The following SIX6 variants were observed in gnomAD, a reference collection of about 807,000 sequenced individuals.
The protein encoded by SIX6 is homeobox protein SIX6.
SIX6 carries 14 observed loss-of-function variants against 23.6 expected under a neutral mutation model. The observed-to-expected ratio is 0.59, with a 90% confidence interval of 0.39 to 0.93. The LOEUF is 0.93. Ranked by LOEUF, SIX6 falls within the 40% of genes least tolerant of loss-of-function variation. SIX6 has a pLI of 0.00. For synonymous variants in SIX6, 128 were observed against 144.9 expected (o/e 0.88, Z 0.84); for missense variants, 307 against 325.6 (o/e 0.94, Z 0.44).
chr14:60,509,608 C>CT lies in SIX6; in HGVS notation c.211dup (p.Tyr71LeufsTer23). 6.2e-7 allele frequency: 1 copy of CT among 1,613,632 alleles called. No homozygotes were observed. On this transcript the variant is annotated frameshift_variant, in exon 1 of 2. Coordinates refer to ENST00000327720, the MANE Select transcript of SIX6 (RefSeq NM_007374.3). LOFTEE classifies it high-confidence loss of function. ...TTCACGGTGGCAACTACCGCGAGCTCTATCATATCCTGGAAAACCACAAGT... is the reference window on the plus strand; with the variant it reads ...TTCACGGTGGCAACTACCGCGAGCTCTTATCATATCCTGGAAAACCACAAGT...
At position 60,511,400 on chromosome 14, in the gene SIX6, GC is replaced by G; in HGVS notation, c.*152del. On this transcript the variant is annotated 3_prime_UTR_variant, in exon 2 of 2. Transcript: ENST00000327720. Reference sequence around the variant, plus strand: ...CCGCGGGCTCGGGTTGCCGTTTCCCGCCCCACCCCGCGGCCGGCCTGGCTTC... The same window carrying G: ...CCGCGGGCTCGGGTTGCCGTTTCCCGCCCACCCCGCGGCCGGCCTGGCTTC... 2.1e-6 allele frequency: 2 copies of G among 956,516 alleles called. No individual in the cohort carries two copies. The highest frequency in any genetic ancestry group is 3.2e-6 in the Non-Finnish European group (2 of 616,616). 59.3% of individuals were successfully genotyped at this position (956,516 alleles called of 1,614,324 possible). A position where few individuals can be genotyped will look rare whatever the true frequency, so the allele number is the denominator to read the frequency against.
chr14:60,509,970 G>T lies in SIX6; in HGVS notation c.572G>T (p.Arg191Ile). The T allele has an allele frequency of 6.3e-7, 1 of 1,598,638 alleles. No homozygotes were observed. The highest frequency in any genetic ancestry group is 8.5e-7 in the Non-Finnish European group (1 of 1,171,808). The part of the protein sequence containing the change: ...QRDRAAAAKN[R>I]LQQQVLSQGS... Reference sequence around the variant, plus strand: ...GACCGAGCGGCTGCAGCCAAGAACAGGTCGGTACCTAGAGGCCTCCGCGCT... The same window carrying T: ...GACCGAGCGGCTGCAGCCAAGAACATGTCGGTACCTAGAGGCCTCCGCGCT... The change falls in exon 1 of 2, where the codon AGA becomes ATA. Residue 191 changes from arginine (R) to isoleucine (I), a missense_variant and splice_region_variant. Arg to Ile is a moderately conservative substitution (Grantham distance 97). Transcript: ENST00000327720.
chr14:60,511,289 G>A lies in SIX6; in HGVS notation c.*37G>A. On this transcript the variant is annotated 3_prime_UTR_variant, in exon 2 of 2. Transcript: ENST00000327720. ...AGGATGCTCAGAAGCAGATTCCAGT[G>A]TAAAAACGAGAAAAACAAAATGAAA... is the stretch of plus-strand genomic sequence containing the variant. The A allele has an allele frequency of 6.2e-7, 1 of 1,606,960 alleles. No homozygotes were observed. Among genetic ancestry groups the A allele is most frequent in the Non-Finnish European group, 8.5e-7 (1 of 1,174,234 alleles).
In SIX6 at chr14:60,509,412, C is replaced by G; in HGVS notation, c.14C>G (p.Pro5Arg). The change falls in exon 1 of 2, where the codon CCC becomes CGC. Residue 5 changes from proline (P) to arginine (R), a missense_variant. Transcript: ENST00000327720. MFQL[P>R]ILNFSPQQVA... ...GGCACTGCCTCGATGTTCCAGCTGCCCATCTTGAATTTCAGCCCCCAGCAA... is the reference window on the plus strand; with the variant it reads ...GGCACTGCCTCGATGTTCCAGCTGCGCATCTTGAATTTCAGCCCCCAGCAA... 1 of 1,599,502 alleles carries G rather than the reference C, an allele frequency of 6.3e-7. No homozygotes were observed. Among genetic ancestry groups the G allele is most frequent in the Non-Finnish European group, 8.5e-7 (1 of 1,179,922 alleles).
Position 60,511,148 on chromosome 14 carries a change from C to T in SIX6, c.637C>T (p.Pro213Ser), listed in dbSNP as rs201560655. ...RALRAEGDGTPEVLGVATSPA... is the reference protein window; with the variant it reads ...RALRAEGDGTSEVLGVATSPA... ...ACTACGGGCGGAGGGCGACGGCACG[C>T]CAGAGGTGCTGGGCGTCGCCACCAG... Residue 213 changes from proline (P) to serine (S), a missense_variant, in exon 2 of 2, where the codon CCA (proline) becomes TCA (serine). Pro to Ser is a moderately conservative substitution (Grantham distance 74, BLOSUM62 -1). Coordinates refer to ENST00000327720, the MANE Select transcript of SIX6 (RefSeq NM_007374.3). 3.2e-4 allele frequency: 520 copies of T among 1,612,918 alleles called. 6 individuals carry two copies. The East Asian group carries it at 0.01, about 32-fold the overall frequency.
chr14:60,510,976 T>G, intron 1 of SIX6, 108 bp from the exon 2 acceptor site: 1 of 1,192,924 alleles, frequency 8.4e-7, no homozygotes, highest in Non-Finnish European at 1.2e-6. Flanking sequence ...GCTGGGGTCT[T>G]CGGAAGAACC....
At position 60,511,192 on chromosome 14, in the gene SIX6, C is replaced by T; in HGVS notation, c.681C>T (p.Ser227=). 6.2e-7 allele frequency: 1 copy of T among 1,613,108 alleles called. No individual in the cohort carries two copies. Among genetic ancestry groups the T allele is most frequent in the Non-Finnish European group, 8.5e-7 (1 of 1,179,928 alleles). Residue 227 remains serine, a synonymous_variant, in exon 2 of 2, where the codon TCC becomes TCT. Coordinates refer to ENST00000327720, the MANE Select transcript of SIX6 (RefSeq NM_007374.3). ...GVATSPAASL[S]SKAATSAISI... is the part of the protein sequence containing the mutation. ...CCACCAGCCCGGCCGCCAGTCTATCCAGCAAGGCGGCCACTTCAGCCATCT... is the reference window on the plus strand; with the variant it reads ...CCACCAGCCCGGCCGCCAGTCTATCTAGCAAGGCGGCCACTTCAGCCATCT...
rs768860283 is a variant in SIX6, at chr14:60,509,356, C to G, written c.-43C>G. On this transcript the variant is annotated 5_prime_UTR_variant, in exon 1 of 2. Coordinates refer to ENST00000327720, the MANE Select transcript of SIX6 (RefSeq NM_007374.3). ...GGCCCGCGGGCATCTGCTGCGTGTCCCGCTCCGGGCTCAGTGCCCTCGCCG... is the reference window on the plus strand; with the variant it reads ...GGCCCGCGGGCATCTGCTGCGTGTCGCGCTCCGGGCTCAGTGCCCTCGCCG... 1 of 1,558,534 alleles carries G rather than the reference C, an allele frequency of 6.4e-7. No individual in the cohort carries two copies. Among genetic ancestry groups the G allele is most frequent in the South Asian group, 1.1e-5 (1 of 90,190 alleles).
rs945610915 is a variant in SIX6, at chr14:60,509,182, C to A, written c.-217C>A. The A allele has an allele frequency of 6.8e-6, 4 of 584,538 alleles. No homozygotes were observed. The African/African-American group carries it at 7.5e-5, about 11-fold the overall frequency. 36.2% of individuals were successfully genotyped at this position (584,538 alleles called of 1,614,324 possible). A position where few individuals can be genotyped will look rare whatever the true frequency, so the allele number is the denominator to read the frequency against. On this transcript the variant is annotated 5_prime_UTR_variant, in exon 1 of 2. Transcript: ENST00000327720. ...CAGCTCGCCTGCCGGCGTGCCTGAG[C>A]CGAGCCGAGCCCGAACCCCAAGCCG...
Position 60,511,544 on chromosome 14 carries a change from A to C in SIX6, c.*292A>C. 1 of 550,428 alleles carries C rather than the reference A, an allele frequency of 1.8e-6. No homozygotes were observed. Among genetic ancestry groups the C allele is most frequent in the South Asian group, 2.1e-5 (1 of 48,676 alleles). The allele number at this position is 550,428 out of a possible 1,614,324, so 34.1% of individuals were successfully genotyped here. A position where few individuals can be genotyped will look rare whatever the true frequency, so the allele number is the denominator to read the frequency against. ...CTGCAAAGTCTCCTTCGGAACCCGA[A>C]CTGCAAGCTGAGCGCCTGCCCAGAT... On this transcript the variant is annotated 3_prime_UTR_variant, in exon 2 of 2. Coordinates refer to ENST00000327720, the MANE Select transcript of SIX6 (RefSeq NM_007374.3).
Position 60,511,384 on chromosome 14 carries a change from C to T in SIX6, c.*132C>T, listed in dbSNP as rs1263988076. 2.6e-6 allele frequency: 3 copies of T among 1,152,072 alleles called. No individual in the cohort carries two copies. Among genetic ancestry groups the T allele is most frequent in the Non-Finnish European group, 3.8e-6 (3 of 788,512 alleles). The allele number at this position is 1,152,072 out of a possible 1,614,324, so 71.4% of individuals were successfully genotyped here. On this transcript the variant is annotated 3_prime_UTR_variant, in exon 2 of 2. Coordinates refer to ENST00000327720, the MANE Select transcript of SIX6 (RefSeq NM_007374.3). The stretch of plus-strand genomic sequence containing the variant: ...CCAGGTGACCAGGGACCCGCGGGCT[C>T]GGGTTGCCGTTTCCCGCCCCACCCC...
rs761312214 is a variant in SIX6 at position 60,509,833 on chromosome 14, G to A, written c.435G>A (p.Glu145=). The change falls in exon 1 of 2, where the codon GAG becomes GAA. Residue 145 remains glutamate, a synonymous_variant. Transcript: ENST00000327720. ...AGCGCACGCGGCACCTGCTACGCGAGTGGTACCTGCAGGATCCATACCCTA... is the reference window on the plus strand; with the variant it reads ...AGCGCACGCGGCACCTGCTACGCGAATGGTACCTGCAGGATCCATACCCTA... ...FKERTRHLLR[E]WYLQDPYPNP... is the part of the protein sequence containing the mutation. The A allele has an allele frequency of 5.0e-6, 8 of 1,613,872 alleles. No individual in the cohort carries two copies. The Admixed American group carries it at 1.3e-4, about 27-fold the overall frequency.
rs771466473 is a variant in SIX6 at position 60,511,252 on chromosome 14, A to T, written c.741A>T (p.Ter247CysextTer20). 16 of 1,613,278 alleles carry T rather than the reference A, an allele frequency of 9.9e-6. No homozygotes were observed. The highest frequency in any genetic ancestry group is 7.6e-6 in the Non-Finnish European group (9 of 1,179,912). Residue 247 changes from the stop codon to cysteine (C), a stop_lost, in exon 2 of 2, where the codon TGA (stop) becomes TGT (cysteine). Transcript: ENST00000327720. ...ITSSDSECDI[*>C] ...CCAGCGACAGCGAGTGCGACATCTGAGTTGCCCATCCAGGATGCTCAGAAG... is the reference window on the plus strand; with the variant it reads ...CCAGCGACAGCGAGTGCGACATCTGTGTTGCCCATCCAGGATGCTCAGAAG...
At position 60,509,166 on chromosome 14, in the gene SIX6, T is replaced by C. The variant is rs1893249342; in HGVS notation, c.-233T>C. On this transcript the variant is annotated 5_prime_UTR_variant, in exon 1 of 2. Coordinates refer to ENST00000327720, the MANE Select transcript of SIX6 (RefSeq NM_007374.3). ...ACCCCAATAGCGGAGCCAGCTCGCC[T>C]GCCGGCGTGCCTGAGCCGAGCCGAG... 3.6e-6 allele frequency: 2 copies of C among 563,306 alleles called. No individual in the cohort carries two copies. Among genetic ancestry groups the C allele is most frequent in the Admixed American group, 3.1e-5 (1 of 31,772 alleles). The allele number at this position is 563,306 out of a possible 1,614,324, so 34.9% of individuals were successfully genotyped here. A position where few individuals can be genotyped will look rare whatever the true frequency, so the allele number is the denominator to read the frequency against.
chr14:60,509,937 G>T lies in SIX6; in HGVS notation c.539G>T (p.Arg180Leu). 6.2e-7 allele frequency: 1 copy of T among 1,609,844 alleles called. No homozygotes were observed. Among genetic ancestry groups the T allele is most frequent in the Non-Finnish European group, 8.5e-7 (1 of 1,177,922 alleles). ...TQVGNWFKNR[R>L]QRDRAAAAKN... ...GTGGGCAACTGGTTCAAAAACCGCC[G>T]ACAAAGGGACCGAGCGGCTGCAGCC... The change falls in exon 1 of 2, where the codon CGA (arginine) becomes CTA (leucine). Residue 180 changes from arginine to leucine, a missense_variant. Coordinates refer to ENST00000327720, the MANE Select transcript of SIX6 (RefSeq NM_007374.3).
chr14:60,510,097 G>C (rs1324418936), intron 1 of SIX6, 127 bp downstream of exon 1: 9 of 844,330 alleles, frequency 1.1e-5, no homozygotes, highest in South Asian at 1.1e-4. Context: ...GTCTGTCTTG[G>C]GTTAAGAGCC....
chr14:60,511,142 G>A lies in SIX6; in HGVS notation c.631G>A (p.Gly211Ser), dbSNP rs745524344. 1.2e-6 allele frequency: 2 copies of A among 1,612,878 alleles called. No homozygotes were observed. Among genetic ancestry groups the A allele is most frequent in the South Asian group, 1.1e-5 (1 of 91,072 alleles). Reference protein sequence around the residue: ...SGRALRAEGDGTPEVLGVATS... With the variant: ...SGRALRAEGDSTPEVLGVATS... Reference sequence around the variant, plus strand: ...GCGGGCACTACGGGCGGAGGGCGACGGCACGCCAGAGGTGCTGGGCGTCGC... The same window carrying A: ...GCGGGCACTACGGGCGGAGGGCGACAGCACGCCAGAGGTGCTGGGCGTCGC... Residue 211 changes from glycine (G) to serine (S), a missense_variant, in exon 2 of 2, where the codon GGC (glycine) becomes AGC (serine). Transcript: ENST00000327720.
chr14:60,511,555 A>G lies in SIX6; in HGVS notation c.*303A>G. 1.9e-6 allele frequency: 1 copy of G among 540,054 alleles called. No individual in the cohort carries two copies. The highest frequency in any genetic ancestry group is 3.3e-5 in the East Asian group (1 of 30,516). The allele number at this position is 540,054 out of a possible 1,614,324, so 33.5% of individuals were successfully genotyped here. On this transcript the variant is annotated 3_prime_UTR_variant, in exon 2 of 2. Coordinates refer to ENST00000327720, the MANE Select transcript of SIX6 (RefSeq NM_007374.3). Reference sequence around the variant, plus strand: ...CCTTCGGAACCCGAACTGCAAGCTGAGCGCCTGCCCAGATTCTCCCATGGG... The same window carrying G: ...CCTTCGGAACCCGAACTGCAAGCTGGGCGCCTGCCCAGATTCTCCCATGGG...
Position 60,509,932 on chromosome 14 carries a change from C to T in SIX6, c.534C>T (p.Asn178=), listed in dbSNP as rs1478953116. The change falls in exon 1 of 2, where the codon AAC becomes AAT. Residue 178 remains asparagine, a synonymous_variant. Transcript: ENST00000327720. The part of the protein sequence containing the change: ...TPTQVGNWFK[N]RRQRDRAAAA... ...CGCAGGTGGGCAACTGGTTCAAAAA[C>T]CGCCGACAAAGGGACCGAGCGGCTG... 4.3e-6 allele frequency: 7 copies of T among 1,610,694 alleles called. No homozygotes were observed. Among genetic ancestry groups the T allele is most frequent in the Non-Finnish European group, 5.1e-6 (6 of 1,178,358 alleles).
Sources: gnomAD v4.1 joint callset for allele counts on GRCh38, gnomAD v4.1.1 for gene constraint, MANE v1.5 for transcripts, NCBI Gene and HGNC (gene_info 2026-07-23, HGNC 2026-07-21) for gene names.